CEP70: variants seen among roughly 807,000 people sequenced by gnomAD.
The protein encoded by CEP70 is centrosomal protein of 70 kDa.
CEP70 carries 70 observed loss-of-function variants against 90.9 expected under a neutral mutation model. That is an observed-to-expected ratio of 0.77 (90% confidence interval 0.64 to 0.94). The LOEUF (loss-of-function observed/expected upper bound fraction) is 0.94, where lower values mean the gene tolerates loss of function less well. Ranked by LOEUF, CEP70 falls within the 40% of genes least tolerant of loss-of-function variation. CEP70 has a pLI of 0.00. For missense variants in CEP70, 648 were observed against 669.0 expected (o/e 0.97, Z 0.35); for synonymous variants, 220 against 228.3 (o/e 0.96, Z 0.33).
At chr3:138,593,335 G>T (rs2042480637) in intron 1 of CEP70, among the ~76,000 whole-genome samples, 1 of 152,144 alleles carries the variant, frequency 6.6e-6, no homozygotes, top group South Asian at 2.1e-4. Flanking sequence ...CGATTCTGCT[G>T]CCTCACCCGC....
At chr3:138,530,187 C>T (rs1280397722) in intron 8 of CEP70, among the ~76,000 whole-genome samples, 1 of 152,044 alleles carries the variant, frequency 6.6e-6, no homozygotes, top group African/African-American at 2.4e-5. Context: ...TAGTGGTTAC[C>T]GCTTAACACT....
At chr3:138,522,228 C>T (rs1188369713) in intron 11 of CEP70, among the ~76,000 whole-genome samples, 1 of 151,360 alleles carries the variant, frequency 6.6e-6, no homozygotes, top group East Asian at 1.9e-4. Flanking sequence ...CACTATTGTC[C>T]TATGACCCTG....
intron 6 of CEP70, among the ~76,000 whole-genome samples, chr3:138,563,766 C>T (rs2040582613): frequency 6.6e-6 from 1 of 151,922 alleles, no homozygotes; most frequent in African/African-American, 2.4e-5. Context: ...AAATCGACAC[C>T]TAAAATCACA....
intron 6 of CEP70, among the ~76,000 whole-genome samples, chr3:138,568,074 T>C (rs937256161): frequency 3.9e-5 from 6 of 152,138 alleles, no homozygotes; most frequent in Non-Finnish European, 8.8e-5. Context: ...CAGTTGATCA[T>C]ATTGGCACAG....
At chr3:138,517,342 C>T (rs886751280) in intron 11 of CEP70, among the ~76,000 whole-genome samples, 3 of 152,094 alleles carry the variant, frequency 2.0e-5, no homozygotes, top group African/African-American at 7.2e-5. Context: ...GCCAAAGCCA[C>T]TAGTAGGTAG....
Position 138,570,504 on chromosome 3 carries a change from T to C in CEP70, c.285-6A>G, listed in dbSNP as rs749864663. 6.3e-7 allele frequency: 1 copy of C among 1,591,844 alleles called. No homozygotes were observed. The highest frequency in any genetic ancestry group is 8.5e-7 in the Non-Finnish European group (1 of 1,172,098). ...GCTCTAGCTGAAGTTCATTTCTAAG[T>C]TAATAGACATACAATTTCTTCCCTT... On this transcript the variant is annotated splice_region_variant and splice_polypyrimidine_tract_variant and intron_variant, in intron 5 of 17. Transcript: ENST00000264982.
intron 6 of CEP70, among the ~76,000 whole-genome samples, chr3:138,554,461 T>C (rs1484711571): frequency 6.6e-6 from 1 of 152,174 alleles, no homozygotes; most frequent in East Asian, 1.9e-4. Flanking sequence ...CTGGAAGTTC[T>C]AGTCAGAGCA....
At chr3:138,518,163 G>A (rs886286701) in intron 11 of CEP70, among the ~76,000 whole-genome samples, 12 of 152,244 alleles carry the variant, frequency 7.9e-5, no homozygotes, top group African/African-American at 2.9e-4. Flanking sequence ...TGAGGCTTGA[G>A]TAGGTAAACA....
chr3:138,517,142 CA>C (rs2036105201), intron 11 of CEP70, among the ~76,000 whole-genome samples: 1 of 152,180 alleles, frequency 6.6e-6, no homozygotes, highest in Non-Finnish European at 1.5e-5. Flanking sequence ...GATTCTCTTG[CA>C]ATTCTTCCAT....
chr3:138,565,475 G>C (rs2040714997), intron 6 of CEP70, among the ~76,000 whole-genome samples: 1 of 152,114 alleles, frequency 6.6e-6, no homozygotes. Context: ...AGCATGGTAA[G>C]GGTACCAAAA....
chr3:138,519,707 G>A lies in CEP70; in HGVS notation c.944+5783C>T, dbSNP rs184687013. Among the ~76,000 whole-genome samples the A allele has an allele frequency of 4.9e-3, 739 of 152,222 alleles. 8 individuals are homozygous for A. Among genetic ancestry groups the A allele is most frequent in the African/African-American group, 0.016 (657 of 41,514 alleles). On this transcript the variant is annotated intron_variant, in intron 11 of 17. Transcript: ENST00000264982. ...GCAATAAACATGGAAAGGAACAACC[G>A]GTACCAGCCACTGCAAAATCATGCC...
intron 13 of CEP70, 77 bp from the exon 14 acceptor site, chr3:138,500,958 AAATTAT>A: frequency 1.7e-6 from 1 of 582,068 alleles, no homozygotes; most frequent in Non-Finnish European, 2.6e-6. Flanking sequence ...ATAATTAGTA[AAATTAT>A]AAGTTTTATA....
chr3:138,585,678 C>A (rs1415725661), intron 2 of CEP70, among the ~76,000 whole-genome samples: 1 of 152,062 alleles, frequency 6.6e-6, no homozygotes, highest in African/African-American at 2.4e-5. Context: ...CATACTACTG[C>A]CACCAAAACA....
chr3:138,533,436 AG>A (rs1386994959), intron 7 of CEP70, among the ~76,000 whole-genome samples: 1 of 152,238 alleles, frequency 6.6e-6, no homozygotes, highest in Non-Finnish European at 1.5e-5. Flanking sequence ...AAAAGAAAAA[AG>A]TTAGATGTGA....
chr3:138,568,316 G>A (rs948826378), intron 6 of CEP70, among the ~76,000 whole-genome samples: 1 of 152,198 alleles, frequency 6.6e-6, no homozygotes, highest in Non-Finnish European at 1.5e-5. Flanking sequence ...GAACTCTCAT[G>A]TATCTGTTCT....
intron 2 of CEP70, among the ~76,000 whole-genome samples, chr3:138,582,075 C>T (rs568998419): frequency 4.6e-5 from 7 of 152,274 alleles, no homozygotes; most frequent in African/African-American, 1.7e-4. Flanking sequence ...TTCATCAACA[C>T]CAGACCTGGC....
intron 6 of CEP70, among the ~76,000 whole-genome samples, chr3:138,542,080 C>T (rs187270080): frequency 6.6e-6 from 1 of 152,350 alleles, no homozygotes; most frequent in African/African-American, 2.4e-5. Flanking sequence ...CCAGCCCAGA[C>T]CCCATGCCTG....
chr3:138,517,590 G>A (rs1160812650), intron 11 of CEP70, among the ~76,000 whole-genome samples: 2 of 152,162 alleles, frequency 1.3e-5, no homozygotes, highest in African/African-American at 4.8e-5. Flanking sequence ...AATGGCGTGA[G>A]CCCAGGAGGC....
At chr3:138,507,995 T>G (rs1046009384) in intron 12 of CEP70, among the ~76,000 whole-genome samples, 1 of 152,154 alleles carries the variant, frequency 6.6e-6, no homozygotes. Flanking sequence ...AAATGATCTA[T>G]AAAACTAGGA....
Sources: gnomAD v4.1 joint callset for allele counts (sites outside exome capture counted in the v4.1 genomes callset) on GRCh38, gnomAD v4.1.1 for gene constraint, MANE v1.5 for transcripts, NCBI Gene and HGNC (gene_info 2026-07-23, HGNC 2026-07-21) for gene names.